Variants in ZNRF2 observed in about 807,000 individuals in gnomAD.
ZNRF2 encodes the protein zinc and ring finger 2, also known as E3 ubiquitin-protein ligase ZNRF2.
ZNRF2 carries 16 observed loss-of-function variants against 20.4 expected under a neutral mutation model. That is an observed-to-expected ratio of 0.79 (90% CI 0.53 to 1.19). The LOEUF (loss-of-function observed/expected upper bound fraction) is 1.19. ZNRF2 is among the 50% of genes most tolerant of loss of function. The pLI, the probability that ZNRF2 is intolerant of heterozygous loss-of-function variation, is 0.00. For synonymous variants in ZNRF2, 178 were observed against 144.9 expected (o/e 1.23, Z -1.64); for missense variants, 363 against 332.4 (o/e 1.09, Z -0.72).
At chr7:30,309,501 A>G (rs945666676) in intron 1 of ZNRF2, among the ~76,000 whole-genome samples, 15 of 152,186 alleles carry the variant, frequency 9.9e-5, no homozygotes, top group East Asian at 1.9e-4. Context: ...CAGACATACA[A>G]ACTTTCACAT....
At position 30,295,046 on chromosome 7, in the gene ZNRF2, AGAGAGTGTGTGTGT is replaced by A. The variant is rs1225205319; in HGVS notation, c.469+9222_469+9235del. On this transcript the variant is annotated intron_variant, in intron 1 of 4. Transcript: ENST00000323037. ...GAGAGAGAGAGAGAGAGAGAGAGAG[AGAGAGTGTGTGTGT>A]GTGTGTGTGTGTGTGTGTGTGTGTG... 2.4e-3 allele frequency among the ~76,000 whole-genome samples: 232 copies of A among 98,414 alleles called. 1 individual carries two copies. Among genetic ancestry groups the A allele is most frequent in the Middle Eastern group, 0.011 (2 of 188 alleles). 64.6% of individuals were successfully genotyped at this position (98,414 alleles called of 152,430 possible).
chr7:30,323,300 C>T (rs1456839092), intron 1 of ZNRF2, among the ~76,000 whole-genome samples: 1 of 152,048 alleles, frequency 6.6e-6, no homozygotes, highest in Non-Finnish European at 1.5e-5. Flanking sequence ...AGTCAGATTA[C>T]AAAGCTTGTA....
chr7:30,333,644 A>G (rs1213439475), intron 2 of ZNRF2, among the ~76,000 whole-genome samples: 1 of 152,192 alleles, frequency 6.6e-6, no homozygotes, highest in African/African-American at 2.4e-5. Context: ...TTGGGATTAC[A>G]GGCATTAGCC....
chr7:30,326,556 A>T (rs1388790635), intron 2 of ZNRF2, among the ~76,000 whole-genome samples: 1 of 152,164 alleles, frequency 6.6e-6, no homozygotes, highest in Admixed American at 6.5e-5. Flanking sequence ...ATTTAGGTTG[A>T]TTCCATGTCT....
chr7:30,341,571 TG>T (rs1326949236), intron 2 of ZNRF2, among the ~76,000 whole-genome samples: 13 of 152,226 alleles, frequency 8.5e-5, no homozygotes, highest in Non-Finnish European at 1.8e-4. Flanking sequence ...TTGATTGCCC[TG>T]TGGTCTGAGA....
chr7:30,337,647 C>T (rs974548888), intron 2 of ZNRF2, among the ~76,000 whole-genome samples: 1 of 152,092 alleles, frequency 6.6e-6, no homozygotes, highest in South Asian at 2.1e-4. Flanking sequence ...AAAATATAGT[C>T]TAAAACCTGC....
At chr7:30,290,286 A>T (rs1040891439) in intron 1 of ZNRF2, among the ~76,000 whole-genome samples, 1 of 152,250 alleles carries the variant, frequency 6.6e-6, no homozygotes, top group African/African-American at 2.4e-5. Context: ...TCGTTTTCTA[A>T]GCTGCTTATT....
chr7:30,317,732 G>T (rs1333763125), intron 1 of ZNRF2, among the ~76,000 whole-genome samples: 1 of 152,202 alleles, frequency 6.6e-6, no homozygotes, highest in African/African-American at 2.4e-5. Flanking sequence ...CTGAGTTCTG[G>T]CACTTTTGAT....
chr7:30,354,642 G>A (rs907102275), intron 2 of ZNRF2, among the ~76,000 whole-genome samples: 1 of 152,136 alleles, frequency 6.6e-6, no homozygotes, highest in Non-Finnish European at 1.5e-5. Context: ...CTGCCTTTCT[G>A]TTTCTTTCAG....
chr7:30,365,502 A>G (rs991700092), intron 4 of ZNRF2, among the ~76,000 whole-genome samples: 2 of 152,152 alleles, frequency 1.3e-5, no homozygotes, highest in African/African-American at 4.8e-5. Context: ...TTAAGAGTTT[A>G]TAGACATGGA....
rs372955670 is a variant in ZNRF2, at chr7:30,288,236, C to G, written c.469+2410C>G. 1.8e-4 allele frequency among the ~76,000 whole-genome samples: 27 copies of G among 152,246 alleles called. No homozygotes were observed. In the East Asian group the frequency reaches 4.8e-3, roughly 27 times the overall value. The stretch of plus-strand genomic sequence containing the variant: ...TAACATTATTGTGTTTATTCAGTTA[C>G]AAATTGTATAAATGGTTATATACAA... On this transcript the variant is annotated intron_variant, in intron 1 of 4. Transcript: ENST00000323037.
chr7:30,295,014 G>GGGGAGAGAGAGAGA (rs1554293418), intron 1 of ZNRF2, among the ~76,000 whole-genome samples: 1 of 25,206 alleles, frequency 4.0e-5, no homozygotes, highest in Non-Finnish European at 8.7e-5. Flanking sequence ...AGGGAGGGAA[G>GGGGAGAGAGAGAGA]GAGAGAGAGA....
At chr7:30,314,282 A>T (rs1358247668) in intron 1 of ZNRF2, among the ~76,000 whole-genome samples, 7 of 152,186 alleles carry the variant, frequency 4.6e-5, no homozygotes, top group Non-Finnish European at 1.0e-4. Flanking sequence ...CTCTGTCAGA[A>T]TTATTTTCTA....
chr7:30,353,216 A>G (rs1354766933), intron 2 of ZNRF2, among the ~76,000 whole-genome samples: 1 of 152,128 alleles, frequency 6.6e-6, no homozygotes, highest in African/African-American at 2.4e-5. Context: ...GCTTATCAAA[A>G]TGCAACTGAT....
In ZNRF2 at chr7:30,285,807, C is replaced by G; in HGVS notation, c.450C>G (p.Leu150=). The G allele has an allele frequency of 6.6e-7, 1 of 1,526,370 alleles. No homozygotes were observed. The highest frequency in any genetic ancestry group is 8.7e-7 in the Non-Finnish European group (1 of 1,145,630). The allele number at this position is 1,526,370 out of a possible 1,614,324, so 94.6% of individuals were successfully genotyped here. A position where few individuals can be genotyped will look rare whatever the true frequency, so the allele number is the denominator to read the frequency against. The stretch of plus-strand genomic sequence containing the variant: ...TGATCGGCTCCTTACCAGCTCACCT[C>G]TCGCCGCACATGTTTGGAGGTACGG... ...RLVIGSLPAH[L]SPHMFGGFKC... is the part of the protein sequence containing the mutation. The change falls in exon 1 of 5, where the codon CTC becomes CTG. Residue 150 remains leucine, a synonymous_variant. Transcript: ENST00000323037.
chr7:30,313,129 G>A (rs574515464), intron 1 of ZNRF2, among the ~76,000 whole-genome samples: 1 of 152,294 alleles, frequency 6.6e-6, no homozygotes, highest in African/African-American at 2.4e-5. Context: ...TGCAACTGAA[G>A]GGAATTGGAA....
In ZNRF2 at chr7:30,285,124, C is replaced by T. The variant is rs1217895884; in HGVS notation, c.-234C>T. On this transcript the variant is annotated 5_prime_UTR_variant, in exon 1 of 5. Coordinates refer to ENST00000323037, the MANE Select transcript of ZNRF2 (RefSeq NM_147128.4). ...GCCTGCAGCCGGGACCCCTTCCTCT[C>T]CGCGTCTCCTCGTCTCCCGCGCCCG... is the stretch of plus-strand genomic sequence containing the variant. 2.4e-6 allele frequency: 1 copy of T among 418,182 alleles called. No individual in the cohort carries two copies. Among genetic ancestry groups the T allele is most frequent in the South Asian group, 1.7e-5 (1 of 60,226 alleles). The allele number at this position is 418,182 out of a possible 1,614,324, so 25.9% of individuals were successfully genotyped here.
At position 30,293,905 on chromosome 7, in the gene ZNRF2, A is replaced by G. The variant is rs1798961031; in HGVS notation, c.469+8079A>G. 2.0e-5 allele frequency among the ~76,000 whole-genome samples: 3 copies of G among 152,184 alleles called. No homozygotes were observed. The South Asian group carries it at 6.2e-4, about 32-fold the overall frequency. ...TATCCTAATTTTTGCTTGAATTGTG[A>G]TTAGTCTGTAATAGTTCTTTAATTT... On this transcript the variant is annotated intron_variant, in intron 1 of 4. Coordinates refer to ENST00000323037, the MANE Select transcript of ZNRF2 (RefSeq NM_147128.4).
intron 1 of ZNRF2, among the ~76,000 whole-genome samples, chr7:30,305,390 C>T (rs1799184033): frequency 6.6e-6 from 1 of 152,034 alleles, no homozygotes; most frequent in Non-Finnish European, 1.5e-5. Context: ...TAGTTTTACT[C>T]ATGTTTTAAA....
Sources: gnomAD v4.1 joint callset for allele counts (sites outside exome capture counted in the v4.1 genomes callset) on GRCh38, gnomAD v4.1.1 for gene constraint, MANE v1.5 for transcripts, NCBI Gene and HGNC (gene_info 2026-07-23, HGNC 2026-07-21) for gene names.